CACNA1D: variants seen among roughly 807,000 people sequenced by gnomAD.
CACNA1D encodes voltage-dependent L-type calcium channel subunit alpha-1D.
In CACNA1D, 55 loss-of-function variants were observed where a neutral mutation model predicts 257.1. That is an observed-to-expected ratio of 0.21 (90% CI 0.17 to 0.27). The LOEUF (loss-of-function observed/expected upper bound fraction) is 0.27, where lower values mean the gene tolerates loss of function less well. CACNA1D is among the 10% of genes least tolerant of loss of function. The pLI is 1.00. For synonymous variants in CACNA1D, 980 were observed against 1,014.9 expected, an observed-to-expected ratio of 0.97 and a Z score of 0.65; for missense variants, 1,876 against 2,784.0, an observed-to-expected ratio of 0.67 and a Z score of 7.34.
At chr3:53,585,110 TCA>T (rs1559877292) in intron 3 of CACNA1D, among the ~76,000 whole-genome samples, 2 of 141,292 alleles carry the variant, frequency 1.4e-5, no homozygotes, top group Non-Finnish European at 3.1e-5. Context: ...GCTGCCATAT[TCA>T]CACGCTTTGT....
intron 7 of CACNA1D, among the ~76,000 whole-genome samples, chr3:53,669,455 T>C (rs2094301775): frequency 6.6e-6 from 1 of 152,248 alleles, no homozygotes; most frequent in Non-Finnish European, 1.5e-5. Context: ...TAAAAAGAGA[T>C]TAGATTTTAA....
rs1415040812 is a variant in CACNA1D, at chr3:53,497,158, A to G, written c.74A>G (p.Asn25Ser). The stretch of plus-strand genomic sequence containing the variant: ...TTTTTCTCCTTCTCCCCAGAGGCAA[A>G]CTATGCAAGAGGCACCAGACTTCCT... Reference protein sequence around the residue: ...QQQADHANEANYARGTRLPLS... With the variant: ...QQQADHANEASYARGTRLPLS... The change falls in exon 2 of 48, where the codon AAC (asparagine) becomes AGC (serine). Residue 25 changes from asparagine to serine, a missense_variant. Asn to Ser is a conservative substitution (Grantham distance 46). Transcript: ENST00000350061. The G allele has an allele frequency of 6.2e-7, 1 of 1,613,988 alleles. No individual in the cohort carries two copies. The highest frequency in any genetic ancestry group is 1.3e-5 in the African/African-American group (1 of 75,038).
chr3:53,560,361 C>T (rs1201420188), intron 3 of CACNA1D, among the ~76,000 whole-genome samples: 2 of 152,106 alleles, frequency 1.3e-5, no homozygotes, highest in Non-Finnish European at 2.9e-5. Context: ...GTTCTTACTC[C>T]ATCTTGCCTG....
At chr3:53,799,876 C>T in intron 40 of CACNA1D, 2 of 331,564 alleles carry the variant, frequency 6.0e-6, no homozygotes, top group Middle Eastern at 1.0e-3. Context: ...TTGCCCTGCT[C>T]TGGGCTTGGA....
rs147638263 is a variant in CACNA1D, at chr3:53,514,273, G to C, written c.483+12553G>C. On this transcript the variant is annotated intron_variant, in intron 3 of 47. Coordinates refer to ENST00000350061, the MANE Select transcript of CACNA1D (RefSeq NM_001128840.3). ...CTCAAGTACTAGGCCATGAAAGGGA[G>C]TCCAGGCTCACAGGCTGATGATGCC... 2.6e-5 allele frequency among the ~76,000 whole-genome samples: 4 copies of C among 151,950 alleles called. No individual in the cohort carries two copies. In the East Asian group the frequency reaches 5.8e-4, roughly 22 times the overall value.
At chr3:53,679,441 T>A (rs2094408522) in intron 8 of CACNA1D, 1 of 152,036 alleles carries the variant, frequency 6.6e-6, no homozygotes, top group East Asian at 1.9e-4. Flanking sequence ...ATTGAAAAGG[T>A]TGTTATTGGG....
At chr3:53,627,036 C>T (rs2093767253) in intron 3 of CACNA1D, among the ~76,000 whole-genome samples, 1 of 152,208 alleles carries the variant, frequency 6.6e-6, no homozygotes, top group Non-Finnish European at 1.5e-5. Context: ...TAACTGGGCA[C>T]AAGAGATGTT....
intron 22 of CACNA1D, among the ~76,000 whole-genome samples, chr3:53,744,414 T>C (rs778134846): frequency 2.6e-5 from 4 of 152,102 alleles, no homozygotes; most frequent in African/African-American, 9.7e-5. Flanking sequence ...ACAAATGATA[T>C]ATGAAGCCTA....
chr3:53,643,976 G>C lies in CACNA1D; in HGVS notation c.484-6803G>C, dbSNP rs2093992098. 2.0e-5 allele frequency among the ~76,000 whole-genome samples: 3 copies of C among 152,214 alleles called. No homozygotes were observed. The South Asian group carries it at 6.2e-4, about 31-fold the overall frequency. ...TTTTCCTGGAACAGAGCAAAACCAGGGGGCGCTGGTATCATAGAACTTCTT... is the reference window on the plus strand; with the variant it reads ...TTTTCCTGGAACAGAGCAAAACCAGCGGGCGCTGGTATCATAGAACTTCTT... On this transcript the variant is annotated intron_variant, in intron 3 of 47. Coordinates refer to ENST00000350061, the MANE Select transcript of CACNA1D (RefSeq NM_001128840.3).
intron 3 of CACNA1D, among the ~76,000 whole-genome samples, chr3:53,509,719 G>C (rs1484250023): frequency 1.3e-5 from 2 of 152,126 alleles, no homozygotes; most frequent in East Asian, 1.9e-4. Flanking sequence ...GCCTAGGTTA[G>C]CTTTGCCTGG....
chr3:53,744,551 G>A (rs1312392529), intron 22 of CACNA1D, among the ~76,000 whole-genome samples, 189 bp from the exon 23 acceptor site: 1 of 152,220 alleles, frequency 6.6e-6, no homozygotes, highest in Non-Finnish European at 1.5e-5. Flanking sequence ...GGCTTGGGAG[G>A]TGCTGCCTCG....
At chr3:53,528,815 A>T (rs1297881338) in intron 3 of CACNA1D, among the ~76,000 whole-genome samples, 2 of 152,168 alleles carry the variant, frequency 1.3e-5, no homozygotes, top group African/African-American at 2.4e-5. Flanking sequence ...GTTGTTTATT[A>T]CTAGTATATG....
intron 21 of CACNA1D, 103 bp downstream of exon 21, chr3:53,740,442 C>A: frequency 1.2e-6 from 1 of 811,120 alleles, no homozygotes; most frequent in Non-Finnish European, 2.2e-6. Context: ...CAGACTATGT[C>A]TTCACTGGTA....
intron 3 of CACNA1D, among the ~76,000 whole-genome samples, chr3:53,541,563 G>A (rs1216721488): frequency 2.0e-5 from 3 of 152,140 alleles, no homozygotes; most frequent in Admixed American, 1.3e-4. Context: ...AGGGCTCTCC[G>A]GCTCCTGAGT....
rs2094988128 is a variant in CACNA1D at position 53,731,154 on chromosome 3, T to C, written c.2406+8T>C. 1 of 1,580,586 alleles carries C rather than the reference T, an allele frequency of 6.3e-7. No homozygotes were observed. The highest frequency in any genetic ancestry group is 8.7e-7 in the Non-Finnish European group (1 of 1,149,634). The stretch of plus-strand genomic sequence containing the variant: ...GCCAACAGTGACAACAAGGTATGTA[T>C]TCTAAGATGCTTCTCCCCTTTTTGT... On this transcript the variant is annotated splice_region_variant and intron_variant, in intron 17 of 47. Transcript: ENST00000350061.
intron 29 of CACNA1D, among the ~76,000 whole-genome samples, chr3:53,755,702 G>GT (rs144280505): frequency 6.6e-6 from 1 of 152,156 alleles, no homozygotes; most frequent in East Asian, 1.9e-4. Flanking sequence ...CTGTCACTGC[G>GT]TTCCCCCCGG....
intron 3 of CACNA1D, among the ~76,000 whole-genome samples, chr3:53,593,462 G>T (rs1455501730): frequency 1.3e-5 from 2 of 152,322 alleles, no homozygotes; most frequent in East Asian, 3.9e-4. Flanking sequence ...TCTCTCCTCA[G>T]ATGTGTGAGT....
intron 30 of CACNA1D, among the ~76,000 whole-genome samples, chr3:53,767,269 A>G (rs866905024): frequency 1.3e-5 from 2 of 152,180 alleles, no homozygotes; most frequent in South Asian, 4.1e-4. Flanking sequence ...AGCTTTTAAA[A>G]TTCCCAACAT....
At chr3:53,690,288 G>A (rs1012766792) in intron 8 of CACNA1D, among the ~76,000 whole-genome samples, 1 of 152,186 alleles carries the variant, frequency 6.6e-6, no homozygotes, top group Non-Finnish European at 1.5e-5. Context: ...TATTCTCAAA[G>A]CTCTATGCTT....
Sources: allele counts gnomAD v4.1 joint callset (sites outside exome capture counted in the v4.1 genomes callset), GRCh38; gene constraint gnomAD v4.1.1; transcripts MANE v1.5; gene names NCBI Gene and HGNC (gene_info 2026-07-23, HGNC 2026-07-21).